UNC13B: variants seen among roughly 807,000 people sequenced by gnomAD.
UNC13B encodes protein unc-13 homolog B.
UNC13B carries 144 observed loss-of-function variants against 211.0 expected under a neutral mutation model. That is an observed-to-expected ratio of 0.68 (90% confidence interval 0.60 to 0.78). The LOEUF is 0.78. Ranked by LOEUF, UNC13B falls within the 30% of genes least tolerant of loss-of-function variation. UNC13B has a pLI of 0.00. For missense variants in UNC13B, 1,777 were observed against 2,002.0 expected (o/e 0.89, Z 2.14); for synonymous variants, 709 against 725.8 (o/e 0.98, Z 0.37).
At chr9:35,195,365 C>T (rs548295610) in intron 1 of UNC13B, among the ~76,000 whole-genome samples, 1 of 152,178 alleles carries the variant, frequency 6.6e-6, no homozygotes, top group Non-Finnish European at 1.5e-5. Context: ...CCCCTTTCCA[C>T]GCCAAACCAA....
chr9:35,347,109 A>G (rs779427199), intron 11 of UNC13B, among the ~76,000 whole-genome samples: 14 of 152,008 alleles, frequency 9.2e-5, no homozygotes, highest in Non-Finnish European at 1.9e-4. Flanking sequence ...TACCTTGCCC[A>G]TACTGGTCTC....
At chr9:35,294,498 G>C (rs1388230895) in intron 7 of UNC13B, among the ~76,000 whole-genome samples, 1 of 152,124 alleles carries the variant, frequency 6.6e-6, no homozygotes, top group Admixed American at 6.6e-5. Context: ...TAGAGATGGG[G>C]TTCCACCATG....
intron 4 of UNC13B, among the ~76,000 whole-genome samples, chr9:35,236,969 C>T (rs1825547724): frequency 6.6e-6 from 1 of 152,134 alleles, no homozygotes; most frequent in Admixed American, 6.6e-5. Context: ...TGGCTATTCT[C>T]TGCTTTGTTT....
intron 11 of UNC13B, chr9:35,342,394 AG>A: frequency 1.0e-6 from 1 of 982,144 alleles, no homozygotes; most frequent in Non-Finnish European, 1.2e-6. Flanking sequence ...GCAGGGCAAA[AG>A]GAAAGCATTT....
At position 35,382,431 on chromosome 9, in the gene UNC13B, T is replaced by C; in HGVS notation, c.10730T>C (p.Ile3577Thr). ...GTGATGAGCACCTTACTGGCCAACA[T>C]CAACGCCTACTATGCCCACACAACT... is the stretch of plus-strand genomic sequence containing the variant. ...PAVMSTLLAN[I>T]NAYYAHTTAS... is the part of the protein sequence containing the mutation. Residue 3577 changes from isoleucine to threonine, a missense_variant, in exon 21 of 40, where the codon ATC (isoleucine) becomes ACC (threonine). Coordinates refer to ENST00000635942, the MANE Select transcript of UNC13B (RefSeq NM_001371189.2). The C allele has an allele frequency of 1.2e-6, 2 of 1,614,174 alleles. No homozygotes were observed. Among genetic ancestry groups the C allele is most frequent in the Non-Finnish European group, 1.7e-6 (2 of 1,180,046 alleles).
At chr9:35,356,907 G>C (rs1238283610) in intron 11 of UNC13B, among the ~76,000 whole-genome samples, 1 of 152,198 alleles carries the variant, frequency 6.6e-6, no homozygotes, top group Non-Finnish European at 1.5e-5. Flanking sequence ...TAAGGATGCT[G>C]TAGCATGTAT....
chr9:35,228,855 G>A (rs1333892719), intron 2 of UNC13B, among the ~76,000 whole-genome samples: 2 of 151,366 alleles, frequency 1.3e-5, no homozygotes, highest in Non-Finnish European at 2.9e-5. Flanking sequence ...TTAATATTTA[G>A]GTTCCCAAGT....
intron 10 of UNC13B, 34 bp from the exon 11 acceptor site, chr9:35,313,865 A>AT: frequency 6.4e-7 from 1 of 1,570,580 alleles, no homozygotes; most frequent in South Asian, 1.1e-5. Flanking sequence ...GGCCTTGGCT[A>AT]TTTTTAAGAA....
chr9:35,251,111 C>T lies in UNC13B; in HGVS notation c.468+7747C>T, dbSNP rs563469285. Reference sequence around the variant, plus strand: ...CGGAGTAGCTGGGACTACTGGCACCCGCCACCGCACCCGGCTAATTTTTTT... The same window carrying T: ...CGGAGTAGCTGGGACTACTGGCACCTGCCACCGCACCCGGCTAATTTTTTT... On this transcript the variant is annotated intron_variant, in intron 6 of 39. Transcript: ENST00000635942. Among the ~76,000 whole-genome samples the T allele has an allele frequency of 7.2e-5, 11 of 151,876 alleles. No homozygotes were observed. The South Asian group carries it at 1.3e-3, about 17-fold the overall frequency.
chr9:35,245,248 C>T (rs972377248), intron 6 of UNC13B, among the ~76,000 whole-genome samples: 2 of 151,438 alleles, frequency 1.3e-5, no homozygotes, highest in African/African-American at 4.8e-5. Context: ...CCAAATATAA[C>T]TTATACAAAA....
chr9:35,194,599 C>T (rs952865110), intron 1 of UNC13B, among the ~76,000 whole-genome samples: 20 of 152,152 alleles, frequency 1.3e-4, no homozygotes, highest in Non-Finnish European at 2.5e-4. Context: ...ATGGCAGCCA[C>T]GCTAACCGTG....
At chr9:35,177,971 G>A (rs1414272049) in intron 1 of UNC13B, among the ~76,000 whole-genome samples, 2 of 152,190 alleles carry the variant, frequency 1.3e-5, no homozygotes, top group African/African-American at 2.4e-5. Flanking sequence ...AACAACTTCT[G>A]GGGAGATGAT....
At chr9:35,178,726 G>C (rs1208300197) in intron 1 of UNC13B, among the ~76,000 whole-genome samples, 2 of 151,250 alleles carry the variant, frequency 1.3e-5, no homozygotes, top group Non-Finnish European at 3.0e-5. Flanking sequence ...CCCCGTCTCT[G>C]CTAAAAATAC....
At chr9:35,265,142 CT>C (rs960024157) in intron 7 of UNC13B, among the ~76,000 whole-genome samples, 34 of 152,108 alleles carry the variant, frequency 2.2e-4, no homozygotes, top group African/African-American at 8.0e-4. Flanking sequence ...TTATGGGGGG[CT>C]GGGGCAGAAT....
intron 1 of UNC13B, among the ~76,000 whole-genome samples, chr9:35,202,481 T>C (rs1246756829): frequency 6.6e-6 from 1 of 152,120 alleles, no homozygotes; most frequent in Non-Finnish European, 1.5e-5. Flanking sequence ...TGTGTAGGAG[T>C]CTAAGTCTCT....
chr9:35,338,243 C>G (rs1330008773), intron 11 of UNC13B, among the ~76,000 whole-genome samples: 3 of 152,132 alleles, frequency 2.0e-5, no homozygotes, highest in Non-Finnish European at 4.4e-5. Flanking sequence ...CTGGCCAGTT[C>G]CAAGAAGTTT....
intron 11 of UNC13B, among the ~76,000 whole-genome samples, chr9:35,317,358 A>G (rs1587607490): frequency 6.6e-6 from 1 of 150,896 alleles, no homozygotes; most frequent in African/African-American, 2.4e-5. Context: ...GCACTACCAC[A>G]CCCAGCTGAT....
intron 24 of UNC13B, among the ~76,000 whole-genome samples, chr9:35,387,779 G>A (rs1835278596): frequency 6.6e-6 from 1 of 152,210 alleles, no homozygotes; most frequent in Admixed American, 6.5e-5. Context: ...ATAAAGTTGA[G>A]TAAGAGACAT....
At chr9:35,396,431 G>T in intron 26 of UNC13B, 45 bp from the exon 27 acceptor site, 1 of 1,611,660 alleles carries the variant, frequency 6.2e-7, no homozygotes, top group Non-Finnish European at 8.5e-7. Context: ...AGGAACCATG[G>T]CCTCTACTGC....
Sources: allele counts gnomAD v4.1 joint callset (sites outside exome capture counted in the v4.1 genomes callset), GRCh38; gene constraint gnomAD v4.1.1; transcripts MANE v1.5; gene names NCBI Gene and HGNC (gene_info 2026-07-23, HGNC 2026-07-21).